SEC24D: variants seen among roughly 807,000 people sequenced by gnomAD.
The protein encoded by SEC24D is protein transport protein Sec24D.
Under a neutral mutation model 116.9 loss-of-function variants are expected in SEC24D, and 69 were observed. The ratio of observed to expected loss-of-function variants is 0.59; its 90% CI spans 0.49 to 0.72. The LOEUF (loss-of-function observed/expected upper bound fraction) is 0.72. Among genes scored for constraint, SEC24D ranks in the 30% least tolerant of loss-of-function variants. The pLI, the probability that SEC24D is intolerant of heterozygous loss-of-function variation, is 0.00. For synonymous variants in SEC24D, 405 were observed against 442.8 expected (o/e 0.91, Z 1.07); for missense variants, 1,131 against 1,264.1 (o/e 0.89, Z 1.60).
chr4:118,733,380 A>AT (rs11419554), intron 19 of SEC24D: 150,922 of 152,254 alleles, frequency 0.99, 74,800 homozygotes, highest in Middle Eastern at 1. Context: ...ATATATACAT[A>AT]GTTTAATAAA....
rs1244925236 is a variant in SEC24D, at chr4:118,739,291, T to C, written c.2239-4A>G. On this transcript the variant is annotated splice_region_variant and splice_polypyrimidine_tract_variant and intron_variant, in intron 17 of 22. Transcript: ENST00000280551. ...TTGTCGTGTAAAGCACAGCACACTG[T>C]AGAAGCAACATTGAGGTCACATGTT... is the stretch of plus-strand genomic sequence containing the variant. The C allele has an allele frequency of 6.2e-7, 1 of 1,609,262 alleles. No individual in the cohort carries two copies. The highest frequency in any genetic ancestry group is 8.5e-7 in the Non-Finnish European group (1 of 1,177,646).
At chr4:118,763,600 C>T (rs72669460) in intron 10 of SEC24D, among the ~76,000 whole-genome samples, 302 of 152,228 alleles carry the variant, frequency 2.0e-3, no homozygotes, top group Non-Finnish European at 3.4e-3. Context: ...CTGAATGATA[C>T]GCAAGAAGAT....
chr4:118,793,490 A>G (rs1729037278), intron 8 of SEC24D, among the ~76,000 whole-genome samples: 1 of 137,540 alleles, frequency 7.3e-6, no homozygotes, highest in African/African-American at 2.6e-5. Flanking sequence ...AAAAAAAAAA[A>G]AAGAAGGCCC....
chr4:118,824,817 G>T, intron 2 of SEC24D, 68 bp from the exon 3 acceptor site: 1 of 1,407,698 alleles, frequency 7.1e-7, no homozygotes, highest in Non-Finnish European at 9.5e-7. Flanking sequence ...AAGTCATTAG[G>T]TTAAAAATGA....
At chr4:118,746,155 G>A (rs990265079) in intron 13 of SEC24D, among the ~76,000 whole-genome samples, 8 of 140,122 alleles carry the variant, frequency 5.7e-5, no homozygotes, top group Non-Finnish European at 7.6e-5. Flanking sequence ...CAGCCTAGGT[G>A]ACAGCAAGAT....
intron 8 of SEC24D, among the ~76,000 whole-genome samples, chr4:118,795,413 TGGTCAG>T (rs1298367125): frequency 6.6e-6 from 1 of 152,040 alleles, no homozygotes; most frequent in Non-Finnish European, 1.5e-5. Flanking sequence ...TTCATCATAT[TGGTCAG>T]GCTGGTCTCA....
chr4:118,728,538 GA>G (rs778890021), intron 22 of SEC24D, 22 bp downstream of exon 22: 10 of 1,448,400 alleles, frequency 6.9e-6, no homozygotes, highest in Non-Finnish European at 1.9e-6. Context: ...TGAATAAAGG[GA>G]AAAATAAAAT....
intron 6 of SEC24D, among the ~76,000 whole-genome samples, chr4:118,806,448 T>C (rs532176648): frequency 2.4e-4 from 36 of 151,658 alleles, no homozygotes; most frequent in African/African-American, 8.2e-4. Flanking sequence ...CCATTCCGAG[T>C]AGCTGGGACC....
At chr4:118,752,201 C>A in intron 12 of SEC24D, 112 bp from the exon 13 acceptor site, 2 of 678,538 alleles carry the variant, frequency 2.9e-6, no homozygotes, top group South Asian at 2.0e-5. Flanking sequence ...TTATTTGACA[C>A]CAACACCTAT....
chr4:118,776,019 C>A (rs907008313), intron 8 of SEC24D, among the ~76,000 whole-genome samples: 25 of 151,834 alleles, frequency 1.6e-4, no homozygotes, highest in African/African-American at 5.1e-4. Flanking sequence ...ATCCCAAGGG[C>A]CTACATTACA....
rs114342828 is a variant in SEC24D at position 118,834,291 on chromosome 4, A to T, written c.-41-554T>A. Among the ~76,000 whole-genome samples the T allele has an allele frequency of 3.1e-3, 469 of 152,346 alleles. 2 individuals are homozygous for T. The highest frequency in any genetic ancestry group is 0.011 in the African/African-American group (449 of 41,576). On this transcript the variant is annotated intron_variant, in intron 1 of 22. Coordinates refer to ENST00000280551, the MANE Select transcript of SEC24D (RefSeq NM_014822.4). ...GGCTTATTTTATGAGTCATAATTTG[A>T]CCGAGCCAGGTGGTCACTATAACCA...
chr4:118,730,912 GT>G (rs1725650258), intron 21 of SEC24D: 1 of 248,910 alleles, frequency 4.0e-6, no homozygotes, highest in Non-Finnish European at 7.9e-6. Context: ...ACTGAATTCA[GT>G]TCCCATCTCT....
At chr4:118,805,224 G>T (rs1408301144) in intron 7 of SEC24D, among the ~76,000 whole-genome samples, 5 of 152,146 alleles carry the variant, frequency 3.3e-5, no homozygotes, top group African/African-American at 1.2e-4. Flanking sequence ...ATGCTTGTTT[G>T]TATACTGATG....
In SEC24D at chr4:118,744,003, T is replaced by C. The variant is rs1053569685; in HGVS notation, c.1980A>G (p.Lys660=). The change falls in exon 15 of 23, where the codon AAA becomes AAG. Residue 660 remains lysine, a synonymous_variant. Coordinates refer to ENST00000280551, the MANE Select transcript of SEC24D (RefSeq NM_014822.4). ...VPQLTGGTLY[K]YNNFQMHLDR... The stretch of plus-strand genomic sequence containing the variant: ...TGGCATTTACCTGGAAATTGTTGTA[T>C]TTGTAAAGGGTTCCTCCAGTGAGCT... 1.3e-5 allele frequency: 21 copies of C among 1,598,500 alleles called. No homozygotes were observed. The highest frequency in any genetic ancestry group is 1.6e-5 in the Non-Finnish European group (19 of 1,175,080).
At chr4:118,822,908 C>T (rs2110533343) in intron 3 of SEC24D, among the ~76,000 whole-genome samples, 1 of 152,180 alleles carries the variant, frequency 6.6e-6, no homozygotes, top group Non-Finnish European at 1.5e-5. Flanking sequence ...CCCTTTACTT[C>T]TGGACTGAGA....
chr4:118,739,359 G>A, intron 17 of SEC24D, 72 bp from the exon 18 acceptor site: 1 of 1,452,978 alleles, frequency 6.9e-7, no homozygotes, highest in Non-Finnish European at 9.4e-7. Flanking sequence ...GATCTTACTT[G>A]CATTTACAAA....
chr4:118,790,321 G>C (rs1728840838), intron 8 of SEC24D, among the ~76,000 whole-genome samples: 1 of 152,112 alleles, frequency 6.6e-6, no homozygotes, highest in Non-Finnish European at 1.5e-5. Flanking sequence ...TTACTTAATT[G>C]CATGTATAAT....
At chr4:118,774,249 A>G (rs778384634) in intron 8 of SEC24D, among the ~76,000 whole-genome samples, 1 of 152,000 alleles carries the variant, frequency 6.6e-6, no homozygotes, top group Non-Finnish European at 1.5e-5. Flanking sequence ...AATTATATCT[A>G]CAGCTTGTAT....
intron 8 of SEC24D, among the ~76,000 whole-genome samples, chr4:118,788,056 T>C (rs377137407): frequency 6.6e-6 from 1 of 152,184 alleles, no homozygotes; most frequent in African/African-American, 2.4e-5. Flanking sequence ...TGGCCTCAAG[T>C]GATTCTCTGA....
Sources: allele counts gnomAD v4.1 joint callset (sites outside exome capture counted in the v4.1 genomes callset), GRCh38; gene constraint gnomAD v4.1.1; transcripts MANE v1.5; gene names NCBI Gene and HGNC (gene_info 2026-07-23, HGNC 2026-07-21).